The following SLC22A15 variants were observed in gnomAD, a reference collection of about 807,000 sequenced individuals.
SLC22A15 encodes the protein flipt 1.
A neutral mutation model predicts 62.7 loss-of-function variants in SLC22A15; 45 were observed. The observed-to-expected ratio is 0.72, with a 90% confidence interval of 0.56 to 0.92. SLC22A15 has a LOEUF of 0.92. SLC22A15 is among the 40% of genes least tolerant of loss of function. The probability of loss-of-function intolerance (pLI) is 0.00; values close to 1 mark genes in which losing one functional copy is unlikely to be tolerated. For missense variants in SLC22A15, 622 were observed against 665.6 expected, an observed-to-expected ratio of 0.93 and a Z score of 0.72; for synonymous variants, 264 against 267.0, an observed-to-expected ratio of 0.99 and a Z score of 0.11.
Position 116,066,579 on chromosome 1 carries a change from C to A in SLC22A15, c.1425C>A (p.Gly475=), listed in dbSNP as rs377578857. ...IVFGATGLTS[G]LLSLLLPETL... ...TCGGAGCCACGGGTCTGACCTCCGG[C>A]CTCCTGAGTTTGTTATTGCCGGAGA... Residue 475 remains glycine (G), a synonymous_variant, in exon 11 of 12, where the codon GGC becomes GGA. Transcript: ENST00000369503. The A allele has an allele frequency of 7.6e-5, 122 of 1,607,794 alleles. No individual in the cohort carries two copies. The highest frequency in any genetic ancestry group is 4.6e-5 in the Non-Finnish European group (54 of 1,177,104).
Position 116,031,570 on chromosome 1 carries a change from G to A in SLC22A15, c.933G>A (p.Leu311=). ...YRVLLGHTLI[L]MFIWFVCSLV... The stretch of plus-strand genomic sequence containing the variant: ...TCCTGTTAGGACACACTTTGATCCT[G>A]ATGTTCATCTGGTAATTATACTAAG... The change falls in exon 6 of 12, where the codon CTG becomes CTA. Residue 311 remains leucine (L), a synonymous_variant. Transcript: ENST00000369503. 6.2e-7 allele frequency: 1 copy of A among 1,613,762 alleles called. No individual in the cohort carries two copies. Among genetic ancestry groups the A allele is most frequent in the Non-Finnish European group, 8.5e-7 (1 of 1,179,796 alleles).
chr1:116,045,478 C>T (rs1017078807), intron 8 of SLC22A15, among the ~76,000 whole-genome samples: 4 of 151,730 alleles, frequency 2.6e-5, no homozygotes, highest in African/African-American at 4.8e-5. Context: ...GTGGCTCATG[C>T]ATGTAATCCC....
intron 2 of SLC22A15, among the ~76,000 whole-genome samples, chr1:116,012,260 T>C (rs1307188103): frequency 6.6e-6 from 1 of 152,078 alleles, no homozygotes; most frequent in East Asian, 1.9e-4. Context: ...CAAGGAGAAG[T>C]TGCTCAGAGT....
At chr1:116,002,239 A>G (rs550889026) in intron 2 of SLC22A15, among the ~76,000 whole-genome samples, 1 of 152,210 alleles carries the variant, frequency 6.6e-6, no homozygotes, top group Non-Finnish European at 1.5e-5. Flanking sequence ...TAGGGGAAGG[A>G]TGACATAAGC....
Position 116,018,164 on chromosome 1 carries a change from C to G in SLC22A15, c.301-1418C>G, listed in dbSNP as rs187019697. The stretch of plus-strand genomic sequence containing the variant: ...AACTCTGTTCCATTATGCAATAATT[C>G]CCTGTTCCCCCCTCCTTCTGGCGCC... On this transcript the variant is annotated intron_variant, in intron 2 of 11. Transcript: ENST00000369503. Among the ~76,000 whole-genome samples, 438 of 152,238 alleles carry G rather than the reference C, an allele frequency of 2.9e-3. 1 individual carries two copies. The highest frequency in any genetic ancestry group is 9.1e-3 in the African/African-American group (379 of 41,548).
chr1:115,976,523 C>G lies in SLC22A15; in HGVS notation c.-105C>G. ...GCCGCCAGCGCTTCCATCCCCGCCC[C>G]GGCGGGTCCAAGCCGGTGCCGGGCG... On this transcript the variant is annotated 5_prime_UTR_variant, in exon 1 of 12. Transcript: ENST00000369503. The G allele has an allele frequency of 1.8e-6, 1 of 548,848 alleles. No individual in the cohort carries two copies. Among genetic ancestry groups the G allele is most frequent in the Non-Finnish European group, 2.6e-6 (1 of 381,266 alleles). 34.0% of individuals were successfully genotyped at this position (548,848 alleles called of 1,614,324 possible).
chr1:115,978,057 AG>A (rs1654403276), intron 1 of SLC22A15, among the ~76,000 whole-genome samples: 1 of 152,228 alleles, frequency 6.6e-6, no homozygotes, highest in Non-Finnish European at 1.5e-5. Flanking sequence ...AAATGATAAG[AG>A]TATTTAATAC....
chr1:115,986,355 T>G (rs1418911684), intron 1 of SLC22A15, among the ~76,000 whole-genome samples: 1 of 152,198 alleles, frequency 6.6e-6, no homozygotes, highest in Non-Finnish European at 1.5e-5. Context: ...TTAGGGTTTC[T>G]TTCCTTCAGG....
At position 116,037,393 on chromosome 1, in the gene SLC22A15, GC is replaced by G. The variant is rs1557901012; in HGVS notation, c.1171+7del. 6.2e-7 allele frequency: 1 copy of G among 1,603,760 alleles called. No individual in the cohort carries two copies. The highest frequency in any genetic ancestry group is 1.7e-5 in the Admixed American group (1 of 59,934). On this transcript the variant is annotated splice_donor_region_variant and intron_variant, in intron 8 of 11. Transcript: ENST00000369503. The stretch of plus-strand genomic sequence containing the variant: ...TGTTTCTTCCAGAAAAGAAAGGTAT[GC>G]CTTTCAAATTTCTACAAGGGTTTTG...
intron 1 of SLC22A15, 65 bp from the exon 2 acceptor site, chr1:115,991,966 C>T: frequency 7.2e-7 from 1 of 1,394,006 alleles, no homozygotes; most frequent in South Asian, 1.2e-5. Context: ...TGCAAGCCTG[C>T]TAAGTGTCTT....
Position 116,069,425 on chromosome 1 carries a change from G to C in SLC22A15, c.*2317G>C, listed in dbSNP as rs1025321798. 10 of 151,952 alleles carry C rather than the reference G, an allele frequency of 6.6e-5. No homozygotes were observed. Among genetic ancestry groups the C allele is most frequent in the Admixed American group, 6.6e-4 (10 of 15,256 alleles). The allele number at this position is 151,952 out of a possible 1,614,324, so 9.4% of individuals were successfully genotyped here. A position where few individuals can be genotyped will look rare whatever the true frequency, so the allele number is the denominator to read the frequency against. ...TTTTCATTGACAGGTAATGTATTTT[G>C]GTTGTGCGGATGGTTTGTAAAAAGT... On this transcript the variant is annotated 3_prime_UTR_variant, in exon 12 of 12. Coordinates refer to ENST00000369503, the MANE Select transcript of SLC22A15 (RefSeq NM_018420.3).
chr1:116,012,886 G>A (rs1656342950), intron 2 of SLC22A15, among the ~76,000 whole-genome samples: 1 of 152,106 alleles, frequency 6.6e-6, no homozygotes, highest in African/African-American at 2.4e-5. Context: ...CATGATGCTG[G>A]GCAGCTCCCC....
intron 8 of SLC22A15, among the ~76,000 whole-genome samples, chr1:116,061,574 A>G (rs1013610574): frequency 5.3e-5 from 8 of 152,220 alleles, no homozygotes; most frequent in Non-Finnish European, 7.4e-5. Context: ...TTGATAGGGA[A>G]TGGCAGGAAG....
chr1:116,028,569 G>A (rs1278070135), intron 5 of SLC22A15, among the ~76,000 whole-genome samples: 2 of 105,620 alleles, frequency 1.9e-5, no homozygotes, highest in Admixed American at 2.8e-4. Context: ...GTCTGAACTA[G>A]TTACTGTTTA....
intron 8 of SLC22A15, among the ~76,000 whole-genome samples, chr1:116,054,454 T>C (rs1479485486): frequency 2.0e-5 from 3 of 151,862 alleles, no homozygotes; most frequent in African/African-American, 7.3e-5. Flanking sequence ...ACAATAATAA[T>C]GGGAGACTTT....
chr1:115,976,577 G>T lies in SLC22A15; in HGVS notation c.-51G>T. The T allele has an allele frequency of 7.1e-7, 1 of 1,411,418 alleles. No individual in the cohort carries two copies. The highest frequency in any genetic ancestry group is 9.6e-7 in the Non-Finnish European group (1 of 1,036,904). 87.4% of individuals were successfully genotyped at this position (1,411,418 alleles called of 1,614,324 possible). ...AGGGGTTGCCGCGCTGGGCGGGAGGGCAGCGCCTGAGAGGGCGGTGGGGTG... is the reference window on the plus strand; with the variant it reads ...AGGGGTTGCCGCGCTGGGCGGGAGGTCAGCGCCTGAGAGGGCGGTGGGGTG... On this transcript the variant is annotated 5_prime_UTR_variant, in exon 1 of 12. Coordinates refer to ENST00000369503, the MANE Select transcript of SLC22A15 (RefSeq NM_018420.3).
chr1:116,052,667 A>C (rs967989705), intron 8 of SLC22A15, among the ~76,000 whole-genome samples: 8 of 152,220 alleles, frequency 5.3e-5, no homozygotes, highest in Non-Finnish European at 1.2e-4. Flanking sequence ...CAGTGGGGGC[A>C]GACTGACACC....
intron 1 of SLC22A15, among the ~76,000 whole-genome samples, chr1:115,991,696 C>T (rs1213457882): frequency 6.6e-6 from 1 of 152,176 alleles, no homozygotes; most frequent in Admixed American, 6.5e-5. Context: ...TAAATCAGAG[C>T]AAATAATGTT....
At chr1:116,022,275 C>T (rs193242755) in intron 4 of SLC22A15, among the ~76,000 whole-genome samples, 1 of 152,234 alleles carries the variant, frequency 6.6e-6, no homozygotes, top group Admixed American at 6.5e-5. Context: ...TCTGAGTCTT[C>T]AATTTGCATT....
Sources: gnomAD v4.1 joint callset for allele counts (sites outside exome capture counted in the v4.1 genomes callset) on GRCh38, gnomAD v4.1.1 for gene constraint, MANE v1.5 for transcripts, NCBI Gene and HGNC (gene_info 2026-07-23, HGNC 2026-07-21) for gene names.